The following ZFAT variants were observed in gnomAD, a reference collection of about 807,000 sequenced individuals.
ZFAT encodes the protein zinc finger protein ZFAT.
A neutral mutation model predicts 117.7 loss-of-function variants in ZFAT; 64 were observed. The ratio of observed to expected loss-of-function variants is 0.54; its 90% CI spans 0.44 to 0.67. The LOEUF is 0.67. Among genes scored for constraint, ZFAT ranks in the 30% least tolerant of loss-of-function variants. The probability of loss-of-function intolerance (pLI) is 0.00; values close to 1 mark genes in which losing one functional copy is unlikely to be tolerated. For missense variants in ZFAT, 1,433 were observed against 1,584.5 expected, an observed-to-expected ratio of 0.90 and a Z score of 1.62; for synonymous variants, 679 against 615.0, an observed-to-expected ratio of 1.10 and a Z score of -1.54.
chr8:134,551,331 T>C (rs937501087), intron 11 of ZFAT, among the ~76,000 whole-genome samples: 1 of 152,230 alleles, frequency 6.6e-6, no homozygotes, highest in African/African-American at 2.4e-5. Flanking sequence ...GTTAATTACC[T>C]ACCTGGTAGA....
chr8:134,590,428 A>G (rs1386656031), intron 7 of ZFAT, 73 bp from the exon 8 acceptor site: 2 of 1,153,128 alleles, frequency 1.7e-6, no homozygotes, highest in Non-Finnish European at 2.5e-6. Flanking sequence ...AACCATCATC[A>G]TCACCATCAT....
At chr8:134,698,245 G>C (rs1013972828) in intron 1 of ZFAT, among the ~76,000 whole-genome samples, 1 of 150,550 alleles carries the variant, frequency 6.6e-6, no homozygotes, top group African/African-American at 2.4e-5. Flanking sequence ...AGAATTGCTT[G>C]AACCCAGGAG....
chr8:134,551,937 GTCAA>G (rs1399984180), intron 11 of ZFAT, among the ~76,000 whole-genome samples: 8 of 152,182 alleles, frequency 5.3e-5, no homozygotes, highest in Non-Finnish European at 1.2e-4. Flanking sequence ...GTGGGTATCA[GTCAA>G]TCAGAGAGCT....
At chr8:134,776,643 CT>C in the ZFAT span, among the ~76,000 whole-genome samples, 2 of 152,180 alleles carry the variant, frequency 1.3e-5, no homozygotes, top group African/African-American at 4.8e-5. Context: ...AGCTGATGGG[CT>C]TTTGTAGCAG....
intron 1 of ZFAT, among the ~76,000 whole-genome samples, chr8:134,665,925 C>T (rs1001539461): frequency 1.3e-5 from 2 of 152,170 alleles, no homozygotes; most frequent in Non-Finnish European, 2.9e-5. Context: ...GTATTGTTGA[C>T]ATGGAGGGTC....
chr8:134,755,795 G>A, the ZFAT span, among the ~76,000 whole-genome samples: 1 of 105,828 alleles, frequency 9.4e-6, no homozygotes. Flanking sequence ...CTGGGCGACA[G>A]AGCAAAAGCA....
At chr8:134,815,659 C>T in the ZFAT span, among the ~76,000 whole-genome samples, 1 of 152,216 alleles carries the variant, frequency 6.6e-6, no homozygotes, top group Non-Finnish European at 1.5e-5. Context: ...ATTCAATTCT[C>T]TCAATTTGTC....
chr8:134,794,973 C>T, the ZFAT span: 1 of 152,096 alleles, frequency 6.6e-6, no homozygotes, highest in African/African-American at 2.4e-5. Context: ...TGATAGCCAC[C>T]ATTTTTTTAT....
At chr8:134,546,250 C>T (rs1008389850) in intron 11 of ZFAT, among the ~76,000 whole-genome samples, 1 of 152,168 alleles carries the variant, frequency 6.6e-6, no homozygotes, top group African/African-American at 2.4e-5. Flanking sequence ...CTGGCATTGC[C>T]AAGCTTAAAT....
the ZFAT span, chr8:134,793,064 CT>C: frequency 3.3e-5 from 5 of 152,148 alleles, no homozygotes; most frequent in African/African-American, 1.2e-4. Context: ...TTTAGAAGAC[CT>C]GTCACCTTTG....
At chr8:134,619,538 T>A (rs1318189211) in intron 3 of ZFAT, among the ~76,000 whole-genome samples, 1 of 152,142 alleles carries the variant, frequency 6.6e-6, no homozygotes, top group Non-Finnish European at 1.5e-5. Context: ...TTTACTTATT[T>A]CTTGTTTGTC....
chr8:134,513,717 C>A (rs1400713109), intron 13 of ZFAT, among the ~76,000 whole-genome samples: 1 of 152,128 alleles, frequency 6.6e-6, no homozygotes, highest in East Asian at 1.9e-4. Context: ...TGTCACCAAT[C>A]AAGAAGAACA....
At chr8:134,558,361 C>G (rs1823802561) in intron 11 of ZFAT, among the ~76,000 whole-genome samples, 1 of 152,190 alleles carries the variant, frequency 6.6e-6, no homozygotes, top group Admixed American at 6.5e-5. Context: ...AAAGCAACTC[C>G]TCTTTCAAAG....
chr8:134,540,938 G>C (rs549568677), intron 11 of ZFAT, among the ~76,000 whole-genome samples: 7 of 152,274 alleles, frequency 4.6e-5, no homozygotes, highest in Admixed American at 4.6e-4. Context: ...TTAGGCTCAT[G>C]AAAATGTGCT....
chr8:134,659,192 C>T (rs1319607867), intron 1 of ZFAT, among the ~76,000 whole-genome samples: 2 of 152,208 alleles, frequency 1.3e-5, no homozygotes, highest in African/African-American at 4.8e-5. Flanking sequence ...TCATCCTCCT[C>T]GCTCCTCACT....
At chr8:134,482,465 T>C (rs935325403) in intron 15 of ZFAT, among the ~76,000 whole-genome samples, 1 of 152,204 alleles carries the variant, frequency 6.6e-6, no homozygotes, top group African/African-American at 2.4e-5. Context: ...CCCTGCGTCA[T>C]CCAATCTGTG....
At chr8:134,688,279 T>C (rs182831980) in intron 1 of ZFAT, among the ~76,000 whole-genome samples, 6 of 152,246 alleles carry the variant, frequency 3.9e-5, no homozygotes, top group African/African-American at 1.4e-4. Context: ...TTAACACACA[T>C]CTATACAAAT....
chr8:134,514,707 A>C (rs962734602), intron 13 of ZFAT, among the ~76,000 whole-genome samples: 2 of 152,216 alleles, frequency 1.3e-5, no homozygotes, highest in African/African-American at 4.8e-5. Flanking sequence ...TTTTTAAAAG[A>C]ATGTTTATAA....
chr8:134,497,399 T>C (rs13252520), intron 15 of ZFAT, among the ~76,000 whole-genome samples: 120,466 of 145,838 alleles, frequency 0.83, 49,946 homozygotes, highest in East Asian at 0.99. Context: ...AGGATGCCCC[T>C]GCTGCTGGTT....
Sources: allele counts gnomAD v4.1 joint callset (sites outside exome capture counted in the v4.1 genomes callset), GRCh38; gene constraint gnomAD v4.1.1; transcripts MANE v1.5; gene names NCBI Gene and HGNC (gene_info 2026-07-23, HGNC 2026-07-21).